Variants in GLRA3 observed in about 807,000 individuals in gnomAD.
The protein encoded by GLRA3 is glycine receptor subunit alpha-3.
In GLRA3, 44 loss-of-function variants were observed where a neutral mutation model predicts 60.4. The observed-to-expected ratio is 0.73, with a 90% CI of 0.57 to 0.94. The LOEUF (loss-of-function observed/expected upper bound fraction) is 0.94. Among genes scored for constraint, GLRA3 ranks in the 40% least tolerant of loss-of-function variants. GLRA3 has a pLI of 0.00. For missense variants in GLRA3, 508 were observed against 564.6 expected (o/e 0.90, Z 1.02); for synonymous variants, 223 against 192.9 (o/e 1.16, Z -1.29).
At chr4:174,794,057 AGTCT>A (rs1259490836) in intron 1 of GLRA3, among the ~76,000 whole-genome samples, 4 of 152,134 alleles carry the variant, frequency 2.6e-5, no homozygotes, top group African/African-American at 9.7e-5. Flanking sequence ...ATCTTGCAAA[AGTCT>A]GTCTTTTTCT....
At chr4:174,778,629 C>T (rs374094653) in intron 2 of GLRA3, among the ~76,000 whole-genome samples, 12 of 152,152 alleles carry the variant, frequency 7.9e-5, no homozygotes, top group Admixed American at 3.3e-4. Context: ...GCACCGTGCG[C>T]GAGCCGAAGC....
intron 1 of GLRA3, among the ~76,000 whole-genome samples, chr4:174,806,993 C>A (rs770637293): frequency 2.0e-5 from 3 of 151,942 alleles, no homozygotes; most frequent in Non-Finnish European, 4.4e-5. Flanking sequence ...TAAACATATA[C>A]ATAATCAAGA....
At chr4:174,772,823 A>T (rs1232527013) in intron 2 of GLRA3, among the ~76,000 whole-genome samples, 1 of 152,166 alleles carries the variant, frequency 6.6e-6, no homozygotes, top group East Asian at 1.9e-4. Flanking sequence ...ACAGAAATTT[A>T]TGATAATAGT....
intron 8 of GLRA3, among the ~76,000 whole-genome samples, chr4:174,657,638 A>T (rs1733262323): frequency 6.6e-6 from 1 of 151,986 alleles, no homozygotes; most frequent in Non-Finnish European, 1.5e-5. Context: ...AAAAGATGAG[A>T]AAGTAGGCGG....
chr4:174,703,281 G>A (rs12508745), intron 5 of GLRA3, among the ~76,000 whole-genome samples: 29,040 of 151,876 alleles, frequency 0.19, 2,990 homozygotes, highest in East Asian at 0.39. Flanking sequence ...TGCCCTAGAG[G>A]TAAAAGTATA....
chr4:174,692,206 G>C (rs533998212), intron 5 of GLRA3, among the ~76,000 whole-genome samples: 1 of 150,722 alleles, frequency 6.6e-6, no homozygotes, highest in African/African-American at 2.5e-5. Context: ...CAGCCACCCC[G>C]TCCGGGAGGG....
At chr4:174,650,441 T>C (rs1022359004) in intron 9 of GLRA3, among the ~76,000 whole-genome samples, 2 of 152,140 alleles carry the variant, frequency 1.3e-5, no homozygotes, top group South Asian at 2.1e-4. Context: ...AAAAGCTCAA[T>C]AGTGGCACTC....
At chr4:174,819,602 A>G (rs1421987113) in intron 1 of GLRA3, among the ~76,000 whole-genome samples, 1 of 152,166 alleles carries the variant, frequency 6.6e-6, no homozygotes, top group African/African-American at 2.4e-5. Flanking sequence ...TTTTTTCTCA[A>G]TATTTATCAT....
At chr4:174,701,574 C>A (rs1326710196) in intron 5 of GLRA3, among the ~76,000 whole-genome samples, 1 of 152,148 alleles carries the variant, frequency 6.6e-6, no homozygotes, top group Non-Finnish European at 1.5e-5. Flanking sequence ...AAGGCTATAG[C>A]TGCCATAGAT....
At chr4:174,743,984 C>G (rs569370521) in intron 3 of GLRA3, among the ~76,000 whole-genome samples, 1 of 152,292 alleles carries the variant, frequency 6.6e-6, no homozygotes, top group African/African-American at 2.4e-5. Context: ...AGCCAGAGGG[C>G]TGCCGGTCTG....
At chr4:174,692,315 T>TG (rs1269628026) in intron 5 of GLRA3, among the ~76,000 whole-genome samples, 6 of 140,394 alleles carry the variant, frequency 4.3e-5, no homozygotes, top group African/African-American at 8.2e-5. Flanking sequence ...GGGAGGGAGG[T>TG]GGGGGGGTCA....
rs538185394 is a variant in GLRA3 at position 174,821,514 on chromosome 4, C to T, written c.71+7227G>A. ...AGGTGGGTGGGCAGAAGTTTTTTCT[C>T]AGGGGGATAAAAAGCCTTTTTATTT... is the stretch of plus-strand genomic sequence containing the variant. On this transcript the variant is annotated intron_variant, in intron 1 of 9. Transcript: ENST00000274093. Among the ~76,000 whole-genome samples, 9 of 151,930 alleles carry T rather than the reference C, an allele frequency of 5.9e-5. No homozygotes were observed. In the South Asian group the frequency reaches 1.9e-3, roughly 32 times the overall value.
chr4:174,777,543 A>T (rs1738648440), intron 2 of GLRA3, among the ~76,000 whole-genome samples: 1 of 152,166 alleles, frequency 6.6e-6, no homozygotes, highest in Admixed American at 6.5e-5. Flanking sequence ...GGGGTAGATG[A>T]GGGGAAGTGG....
At chr4:174,776,006 A>T (rs1265177264) in intron 2 of GLRA3, among the ~76,000 whole-genome samples, 1 of 152,098 alleles carries the variant, frequency 6.6e-6, no homozygotes, top group Non-Finnish European at 1.5e-5. Flanking sequence ...GGAGAGGGGA[A>T]GGAGGTGGAG....
At chr4:174,711,443 A>G (rs922712212) in intron 5 of GLRA3, among the ~76,000 whole-genome samples, 26 of 107,564 alleles carry the variant, frequency 2.4e-4, no homozygotes, top group Non-Finnish European at 5.4e-4. Flanking sequence ...ATATATATAT[A>G]TATTTTTTTT....
In GLRA3 at chr4:174,702,962, G is replaced by T. The variant is rs73867677; in HGVS notation, c.574+12526C>A. On this transcript the variant is annotated intron_variant, in intron 5 of 9. Coordinates refer to ENST00000274093, the MANE Select transcript of GLRA3 (RefSeq NM_006529.4). ...TCAACAGTTCTTTAGCAGGCCTGGT[G>T]ACTGGAAGTGGTATGAATCTCCCTT... Among the ~76,000 whole-genome samples the T allele has an allele frequency of 1.5e-3, 229 of 152,270 alleles. 1 individual carries two copies. The highest frequency in any genetic ancestry group is 5.4e-3 in the African/African-American group (224 of 41,548).
At chr4:174,789,415 G>GT (rs1296552399) in intron 1 of GLRA3, among the ~76,000 whole-genome samples, 1 of 152,100 alleles carries the variant, frequency 6.6e-6, no homozygotes, top group African/African-American at 2.4e-5. Context: ...ATTAAACAAT[G>GT]TTTTTTTCTT....
intron 7 of GLRA3, among the ~76,000 whole-genome samples, chr4:174,672,580 G>A (rs561957596): frequency 6.6e-6 from 1 of 152,074 alleles, no homozygotes; most frequent in South Asian, 2.1e-4. Flanking sequence ...CCATGTTACA[G>A]GTCCCTGCAG....
intron 4 of GLRA3, among the ~76,000 whole-genome samples, chr4:174,720,785 T>C (rs1342376777): frequency 6.6e-6 from 1 of 152,176 alleles, no homozygotes; most frequent in East Asian, 1.9e-4. Context: ...TGGAGTATCA[T>C]ATCAGGGAAA....
Sources: gnomAD v4.1 joint callset for allele counts (sites outside exome capture counted in the v4.1 genomes callset) on GRCh38, gnomAD v4.1.1 for gene constraint, MANE v1.5 for transcripts, NCBI Gene and HGNC (gene_info 2026-07-23, HGNC 2026-07-21) for gene names.